Variants in L3MBTL4 observed in about 807,000 individuals in gnomAD.
L3MBTL4 encodes the protein L3MBTL histone methyl-lysine binding protein 4.
L3MBTL4 carries 70 observed loss-of-function variants against 84.5 expected under a neutral mutation model. The ratio of observed to expected loss-of-function variants is 0.83; its 90% CI spans 0.68 to 1.01. The LOEUF (loss-of-function observed/expected upper bound fraction) is 1.01. L3MBTL4 is among the 50% of genes least tolerant of loss of function. L3MBTL4 has a pLI of 0.00. For synonymous variants in L3MBTL4, 274 were observed against 259.8 expected, an observed-to-expected ratio of 1.05 and a Z score of -0.52; for missense variants, 715 against 754.8, an observed-to-expected ratio of 0.95 and a Z score of 0.62.
intron 4 of L3MBTL4, among the ~76,000 whole-genome samples, chr18:6,264,656 T>C (rs993291650): frequency 6.6e-6 from 1 of 151,784 alleles, no homozygotes; most frequent in South Asian, 2.1e-4. Flanking sequence ...TCGTGGCGGG[T>C]GCCTGTAATC....
At chr18:6,074,172 G>A (rs78101664) in intron 16 of L3MBTL4, among the ~76,000 whole-genome samples, 231 of 152,240 alleles carry the variant, frequency 1.5e-3, no homozygotes, top group African/African-American at 5.3e-3. Context: ...TGAGCTTACC[G>A]TCACTAAGTT....
intron 5 of L3MBTL4, among the ~76,000 whole-genome samples, chr18:6,255,776 AG>A (rs1208149955): frequency 2.0e-5 from 3 of 149,700 alleles, no homozygotes; most frequent in African/African-American, 7.6e-5. Context: ...TACATATAAA[AG>A]GCAAAAAAAA....
At chr18:6,003,549 A>C (rs2054323687) in intron 16 of L3MBTL4, among the ~76,000 whole-genome samples, 1 of 152,054 alleles carries the variant, frequency 6.6e-6, no homozygotes, top group African/African-American at 2.4e-5. Flanking sequence ...ACAATAAACC[A>C]ATGAGAGCTA....
chr18:6,193,588 C>T (rs963771225), intron 12 of L3MBTL4, among the ~76,000 whole-genome samples: 1 of 152,200 alleles, frequency 6.6e-6, no homozygotes, highest in Non-Finnish European at 1.5e-5. Context: ...CGGGACGGGG[C>T]AGAGTTGAAC....
intron 16 of L3MBTL4, among the ~76,000 whole-genome samples, chr18:6,044,716 G>A (rs1307050421): frequency 1.3e-5 from 2 of 152,190 alleles, no homozygotes; most frequent in African/African-American, 4.8e-5. Flanking sequence ...GAGTCATCTT[G>A]GAGAGCTGTG....
intron 16 of L3MBTL4, among the ~76,000 whole-genome samples, chr18:6,053,792 A>G (rs1026973332): frequency 4.6e-5 from 7 of 152,072 alleles, no homozygotes; most frequent in Admixed American, 1.3e-4. Flanking sequence ...CTCTGTTGTT[A>G]TTTTAAGTTG....
At chr18:6,214,947 C>T (rs545439975) in intron 11 of L3MBTL4, among the ~76,000 whole-genome samples, 1 of 152,296 alleles carries the variant, frequency 6.6e-6, no homozygotes, top group South Asian at 2.1e-4. Context: ...TACTCCAACA[C>T]TTCTACTTTC....
chr18:6,146,096 G>A (rs1364616307), intron 13 of L3MBTL4, among the ~76,000 whole-genome samples: 1 of 152,244 alleles, frequency 6.6e-6, no homozygotes, highest in African/African-American at 2.4e-5. Context: ...GAGGGGAAGG[G>A]TGGCGGGAGA....
chr18:5,972,532 TGAGGTC>T (rs2052688029), intron 16 of L3MBTL4, among the ~76,000 whole-genome samples: 1 of 152,154 alleles, frequency 6.6e-6, no homozygotes, highest in Admixed American at 6.5e-5. Context: ...GCAAACCTCT[TGAGGTC>T]AGGATTGAGA....
At chr18:6,202,769 G>C (rs2045702012) in intron 12 of L3MBTL4, among the ~76,000 whole-genome samples, 1 of 152,068 alleles carries the variant, frequency 6.6e-6, no homozygotes, top group African/African-American at 2.4e-5. Context: ...AGGATGCCTA[G>C]GGAAGAAAAA....
At chr18:6,132,694 C>A (rs1246637921) in intron 14 of L3MBTL4, among the ~76,000 whole-genome samples, 1 of 152,178 alleles carries the variant, frequency 6.6e-6, no homozygotes, top group Non-Finnish European at 1.5e-5. Flanking sequence ...GTCAAATATT[C>A]TCTTGATAAT....
intron 13 of L3MBTL4, among the ~76,000 whole-genome samples, chr18:6,168,772 G>T (rs2043813270): frequency 6.6e-6 from 1 of 152,168 alleles, no homozygotes; most frequent in South Asian, 2.1e-4. Context: ...CATGGGCAAG[G>T]ACTTCATGTC....
chr18:6,206,737 A>G (rs2045893357), intron 12 of L3MBTL4, among the ~76,000 whole-genome samples: 1 of 152,186 alleles, frequency 6.6e-6, no homozygotes, highest in South Asian at 2.1e-4. Context: ...ATCAACTGAT[A>G]GGAGAAAAAA....
intron 1 of L3MBTL4, among the ~76,000 whole-genome samples, chr18:6,411,684 T>C (rs556892514): frequency 2.6e-5 from 4 of 152,260 alleles, no homozygotes; most frequent in East Asian, 1.9e-4. Context: ...CATGGAACTG[T>C]TCTTTTCTCT....
At chr18:6,268,018 G>A (rs910573098) in intron 4 of L3MBTL4, among the ~76,000 whole-genome samples, 2 of 152,070 alleles carry the variant, frequency 1.3e-5, no homozygotes, top group Non-Finnish European at 1.5e-5. Context: ...TATTCTACTT[G>A]GAAGTAGAAT....
chr18:6,253,212 A>G (rs773347105), intron 5 of L3MBTL4, among the ~76,000 whole-genome samples: 8 of 152,140 alleles, frequency 5.3e-5, no homozygotes, highest in Non-Finnish European at 8.8e-5. Context: ...AAACAAACAA[A>G]CAAACAAACA....
At chr18:6,389,349 G>A (rs1475440197) in intron 1 of L3MBTL4, among the ~76,000 whole-genome samples, 3 of 152,110 alleles carry the variant, frequency 2.0e-5, no homozygotes, top group African/African-American at 7.2e-5. Flanking sequence ...CCTCTTGAAA[G>A]CATAAAACTC....
At chr18:6,267,919 G>T (rs2048705081) in intron 4 of L3MBTL4, among the ~76,000 whole-genome samples, 1 of 152,138 alleles carries the variant, frequency 6.6e-6, no homozygotes, top group Non-Finnish European at 1.5e-5. Context: ...GTCCTCCCTG[G>T]TCACTGAATT....
At chr18:6,002,256 G>A (rs575534019) in intron 16 of L3MBTL4, among the ~76,000 whole-genome samples, 3 of 152,194 alleles carry the variant, frequency 2.0e-5, no homozygotes, top group Admixed American at 6.5e-5. Context: ...AAAAGTTGAA[G>A]GCATTCATTT....
Sources: gnomAD v4.1 joint callset for allele counts (sites outside exome capture counted in the v4.1 genomes callset) on GRCh38, gnomAD v4.1.1 for gene constraint, MANE v1.5 for transcripts, NCBI Gene and HGNC (gene_info 2026-07-23, HGNC 2026-07-21) for gene names.